Variants in ETV1 observed in about 807,000 individuals in gnomAD.
ETV1 encodes ETS variant transcription factor 1.
Under a neutral mutation model 62.3 loss-of-function variants are expected in ETV1, and 27 were observed. The observed-to-expected ratio is 0.43, with a 90% CI of 0.32 to 0.60. The LOEUF is 0.60. Among genes scored for constraint, ETV1 ranks in the 20% least tolerant of loss-of-function variants. The pLI, the probability that ETV1 is intolerant of heterozygous loss-of-function variation, is 0.06. For synonymous variants in ETV1, 222 were observed against 199.6 expected, an observed-to-expected ratio of 1.11 and a Z score of -0.94; for missense variants, 605 against 605.8, an observed-to-expected ratio of 1.00 and a Z score of 0.01.
At chr7:13,942,321 C>G (rs1001284282) in intron 6 of ETV1, among the ~76,000 whole-genome samples, 1 of 151,472 alleles carries the variant, frequency 6.6e-6, no homozygotes, top group African/African-American at 2.4e-5. Context: ...CCGTGCCCGG[C>G]CTCTTTTTTT....
chr7:13,959,986 T>A (rs1789980339), intron 6 of ETV1, among the ~76,000 whole-genome samples: 1 of 151,610 alleles, frequency 6.6e-6, no homozygotes, highest in Admixed American at 6.6e-5. Flanking sequence ...AGTTAAATAC[T>A]TGGAGTACTG....
chr7:13,923,323 C>A (rs1418989930), intron 9 of ETV1, among the ~76,000 whole-genome samples: 1 of 152,208 alleles, frequency 6.6e-6, no homozygotes, highest in Non-Finnish European at 1.5e-5. Flanking sequence ...AATTACTTCA[C>A]TACTTTTCCT....
Position 13,928,088 on chromosome 7 carries a change from T to A in ETV1, c.802+3414A>T, listed in dbSNP as rs991438938. Among the ~76,000 whole-genome samples the A allele has an allele frequency of 7.2e-5, 11 of 152,198 alleles. No homozygotes were observed. In the South Asian group the frequency reaches 8.3e-4, roughly 11 times the overall value. ...GTTTTGAAGATTATATATGACTCAA[T>A]CTGTGCTTTTGAGGGTCAAATAGTG... On this transcript the variant is annotated intron_variant, in intron 9 of 13. Coordinates refer to ENST00000430479, the MANE Select transcript of ETV1 (RefSeq NM_004956.5).
chr7:13,986,034 T>G, intron 5 of ETV1: 2 of 1,109,226 alleles, frequency 1.8e-6, no homozygotes, highest in South Asian at 2.8e-5. Context: ...ACATGAATAG[T>G]AACACATGGA....
intron 11 of ETV1, 119 bp downstream of exon 11, chr7:13,909,513 C>A: frequency 2.7e-6 from 2 of 741,612 alleles, no homozygotes; most frequent in Non-Finnish European, 4.7e-6. Context: ...AAATTAAGTG[C>A]ATGATGAATT....
chr7:13,898,473 T>C (rs1250599047), intron 13 of ETV1, among the ~76,000 whole-genome samples: 1 of 152,236 alleles, frequency 6.6e-6, no homozygotes, highest in African/African-American at 2.4e-5. Context: ...TATATTGTTC[T>C]AGGCATTTCC....
At chr7:13,901,734 C>G (rs1242772476) in intron 12 of ETV1, among the ~76,000 whole-genome samples, 1 of 152,122 alleles carries the variant, frequency 6.6e-6, no homozygotes, top group Non-Finnish European at 1.5e-5. Context: ...TAATACCAAA[C>G]TGAAGAATTA....
intron 7 of ETV1, among the ~76,000 whole-genome samples, chr7:13,937,392 A>C (rs1484281359): frequency 6.6e-6 from 1 of 152,240 alleles, no homozygotes; most frequent in Non-Finnish European, 1.5e-5. Context: ...TTCCCCCATG[A>C]AATGCTGTAC....
intron 9 of ETV1, among the ~76,000 whole-genome samples, chr7:13,913,652 C>T (rs977039502): frequency 2.0e-5 from 3 of 152,010 alleles, no homozygotes; most frequent in Non-Finnish European, 2.9e-5. Flanking sequence ...GTACTTAAAA[C>T]TAAAAATAAT....
At chr7:13,986,433 T>G in intron 5 of ETV1, 1 of 1,490,160 alleles carries the variant, frequency 6.7e-7, no homozygotes, top group Non-Finnish European at 8.9e-7. Flanking sequence ...CAATTTCTCC[T>G]GGTAATTTGT....
chr7:13,952,500 C>A (rs941487788), intron 6 of ETV1, among the ~76,000 whole-genome samples: 1 of 152,020 alleles, frequency 6.6e-6, no homozygotes, highest in Non-Finnish European at 1.5e-5. Context: ...ATAATGGCAA[C>A]CCTTAATCAC....
chr7:13,906,582 G>A lies in ETV1; in HGVS notation c.958C>T (p.Pro320Ser), dbSNP rs536351715. 1.9e-6 allele frequency: 3 copies of A among 1,607,076 alleles called. No individual in the cohort carries two copies. Among genetic ancestry groups the A allele is most frequent in the Non-Finnish European group, 1.7e-6 (2 of 1,177,176 alleles). ...GTGGGTCCTTCCCGATACATTCCTG[G>A]CTCTTGTTTGATGTCTCCTAAATTA... ...EKFDGDIKQE[P>S]GMYREGPTYQ... Residue 320 changes from proline (P) to serine (S), a missense_variant, in exon 12 of 14, where the codon CCA becomes TCA. Coordinates refer to ENST00000430479, the MANE Select transcript of ETV1 (RefSeq NM_004956.5).
chr7:13,891,769 CA>C lies in ETV1; in HGVS notation c.*4096del, dbSNP rs1469479853. 8.6e-6 allele frequency: 2 copies of C among 231,648 alleles called. No individual in the cohort carries two copies. The highest frequency in any genetic ancestry group is 1.2e-4 in the East Asian group (2 of 16,304). 14.3% of individuals were successfully genotyped at this position (231,648 alleles called of 1,614,324 possible). A position where few individuals can be genotyped will look rare whatever the true frequency, so the allele number is the denominator to read the frequency against. ...ACATTTGCCTTCTTTATATTTTTTCCACCATCACTTTTACCCAATTTGTATT... is the reference window on the plus strand; with the variant it reads ...ACATTTGCCTTCTTTATATTTTTTCCCCATCACTTTTACCCAATTTGTATT... On this transcript the variant is annotated 3_prime_UTR_variant, in exon 14 of 14. Transcript: ENST00000430479.
intron 6 of ETV1, among the ~76,000 whole-genome samples, chr7:13,962,202 CGT>C (rs200758538): frequency 6.0e-5 from 9 of 148,940 alleles, no homozygotes; most frequent in Admixed American, 4.0e-4. Context: ...CACACACACA[CGT>C]GTGTGTGTGT....
chr7:13,921,564 T>TCAA (rs771488700), intron 9 of ETV1, among the ~76,000 whole-genome samples: 13 of 152,124 alleles, frequency 8.5e-5, no homozygotes, highest in Non-Finnish European at 1.8e-4. Flanking sequence ...AAACCACTGA[T>TCAA]CAACAGATCC....
chr7:13,981,583 A>T (rs1028233948), intron 5 of ETV1, among the ~76,000 whole-genome samples: 2 of 152,080 alleles, frequency 1.3e-5, no homozygotes, highest in African/African-American at 4.8e-5. Context: ...TGCTTTACAG[A>T]GTAACTTGTT....
At chr7:13,913,441 A>G (rs1277953185) in intron 9 of ETV1, among the ~76,000 whole-genome samples, 6 of 152,202 alleles carry the variant, frequency 3.9e-5, no homozygotes, top group Non-Finnish European at 7.3e-5. Flanking sequence ...TCTAACTCCC[A>G]ACTTCCTCAT....
Position 13,895,753 on chromosome 7 carries a change from A to T in ETV1, c.*113T>A. ...CAGGAAAAGCCCCTTTTTGTGTATTATTATTTAAAAATAAAATACAAACAA... is the reference window on the plus strand; with the variant it reads ...CAGGAAAAGCCCCTTTTTGTGTATTTTTATTTAAAAATAAAATACAAACAA... On this transcript the variant is annotated 3_prime_UTR_variant, in exon 14 of 14. Coordinates refer to ENST00000430479, the MANE Select transcript of ETV1 (RefSeq NM_004956.5). 6.6e-6 allele frequency: 5 copies of T among 757,240 alleles called. No homozygotes were observed. In the Admixed American group the frequency reaches 8.0e-5, roughly 12 times the overall value. 46.9% of individuals were successfully genotyped at this position (757,240 alleles called of 1,614,324 possible).
intron 5 of ETV1, chr7:13,986,332 C>T: frequency 2.0e-6 from 3 of 1,491,302 alleles, no homozygotes; most frequent in African/African-American, 1.4e-5. Flanking sequence ...TAAACCTGAT[C>T]AATTGCAATT....
Sources: gnomAD v4.1 joint callset for allele counts (sites outside exome capture counted in the v4.1 genomes callset) on GRCh38, gnomAD v4.1.1 for gene constraint, MANE v1.5 for transcripts, NCBI Gene and HGNC (gene_info 2026-07-23, HGNC 2026-07-21) for gene names.